The following THSD7A variants were observed in gnomAD, a reference collection of about 807,000 sequenced individuals.
THSD7A encodes thrombospondin type 1 domain containing 7A.
A neutral mutation model predicts 231.3 loss-of-function variants in THSD7A; 96 were observed. The ratio of observed to expected loss-of-function variants is 0.41; its 90% CI spans 0.35 to 0.49. THSD7A has a LOEUF of 0.49. Among genes scored for constraint, THSD7A ranks in the 20% least tolerant of loss-of-function variants. The pLI is 0.05. For synonymous variants in THSD7A, 940 were observed against 743.3 expected, an observed-to-expected ratio of 1.26 and a Z score of -4.30; for missense variants, 2,290 against 2,070.2, an observed-to-expected ratio of 1.11 and a Z score of -2.06.
chr7:11,774,621 A>T (rs1310946616), intron 1 of THSD7A, among the ~76,000 whole-genome samples: 1 of 152,152 alleles, frequency 6.6e-6, no homozygotes, highest in Non-Finnish European at 1.5e-5. Flanking sequence ...CTATGTTCAA[A>T]CTATCAATTT....
chr7:11,459,685 T>C (rs1415113130), intron 11 of THSD7A, among the ~76,000 whole-genome samples: 1 of 143,324 alleles, frequency 7.0e-6, no homozygotes, highest in Non-Finnish European at 1.5e-5. Flanking sequence ...TTTTTTTTTT[T>C]TTTTTTTTTT....
At chr7:11,617,995 A>T (rs967832370) in intron 2 of THSD7A, among the ~76,000 whole-genome samples, 2 of 152,254 alleles carry the variant, frequency 1.3e-5, no homozygotes, top group Non-Finnish European at 2.9e-5. Context: ...ACAATAAAAA[A>T]AAGAAAATGT....
In THSD7A at chr7:11,814,623, A is replaced by G. The variant is rs1784625130; in HGVS notation, c.190+17134T>C. On this transcript the variant is annotated intron_variant, in intron 1 of 27. Transcript: ENST00000423059. The surrounding 1 kb of genome is among the most constrained non-coding windows in gnomAD (Gnocchi z 5.1). ...TTTATTCTCTTCTTGTGGAACTTGCACAGCTGAAGCAGTTCAAAACCAGTT... is the reference window on the plus strand; with the variant it reads ...TTTATTCTCTTCTTGTGGAACTTGCGCAGCTGAAGCAGTTCAAAACCAGTT... Among the ~76,000 whole-genome samples the G allele has an allele frequency of 1.3e-5, 2 of 152,164 alleles. No homozygotes were observed. Among genetic ancestry groups the G allele is most frequent in the South Asian group, 4.1e-4 (2 of 4,836 alleles).
chr7:11,507,423 T>C (rs535992109), intron 6 of THSD7A, among the ~76,000 whole-genome samples: 3 of 152,300 alleles, frequency 2.0e-5, no homozygotes, highest in South Asian at 4.1e-4. Context: ...GGGAAATTTG[T>C]ATGCCCGAAT....
intron 1 of THSD7A, among the ~76,000 whole-genome samples, chr7:11,748,246 A>G (rs1337728988): frequency 2.0e-5 from 3 of 151,962 alleles, no homozygotes; most frequent in African/African-American, 7.2e-5. Flanking sequence ...AGTTACTGAC[A>G]TGATTAAATT....
At chr7:11,433,994 T>C (rs2128291261) in intron 13 of THSD7A, among the ~76,000 whole-genome samples, 1 of 152,152 alleles carries the variant, frequency 6.6e-6, no homozygotes, top group African/African-American at 2.4e-5. Context: ...AGCATATCAA[T>C]TTTATTTTCC....
intron 6 of THSD7A, among the ~76,000 whole-genome samples, chr7:11,535,267 GT>G (rs896208156): frequency 2.6e-5 from 4 of 151,920 alleles, no homozygotes; most frequent in African/African-American, 7.3e-5. Context: ...AACTCTGACG[GT>G]TTTTTCTAAA....
chr7:11,825,805 G>A (rs1300072336), intron 1 of THSD7A, among the ~76,000 whole-genome samples: 2 of 152,082 alleles, frequency 1.3e-5, no homozygotes, highest in Admixed American at 6.6e-5. Context: ...TAACGCTGAC[G>A]CTCATGCTCT....
Position 11,559,641 on chromosome 7 carries a change from T to C in THSD7A, c.1454-16524A>G, listed in dbSNP as rs1789996997. Among the ~76,000 whole-genome samples the C allele has an allele frequency of 4.0e-5, 6 of 151,376 alleles. No individual in the cohort carries two copies. In the South Asian group the frequency reaches 1.2e-3, roughly 31 times the overall value. On this transcript the variant is annotated intron_variant, in intron 4 of 27. Transcript: ENST00000423059. ...TTTAAGAAAGGCAAGAAAGGAGAAG[T>C]GAAGAAAGTAGAAGAAAGAGAATAA...
intron 1 of THSD7A, among the ~76,000 whole-genome samples, chr7:11,828,826 T>C (rs191870554): frequency 6.6e-6 from 1 of 152,278 alleles, no homozygotes; most frequent in East Asian, 1.9e-4. Context: ...CAGTTGGCTC[T>C]TGAACAACAT....
chr7:11,743,697 T>C (rs943022546), intron 1 of THSD7A, among the ~76,000 whole-genome samples: 15 of 97,188 alleles, frequency 1.5e-4, no homozygotes, highest in Non-Finnish European at 9.3e-5. Context: ...GACAATACTC[T>C]AAGTTGTGTT....
intron 2 of THSD7A, among the ~76,000 whole-genome samples, chr7:11,626,612 C>G (rs1317112579): frequency 6.6e-6 from 1 of 152,050 alleles, no homozygotes; most frequent in Non-Finnish European, 1.5e-5. Flanking sequence ...AATTTGCCAT[C>G]ACTGACACCA....
At chr7:11,806,543 A>G (rs994688972) in intron 1 of THSD7A, among the ~76,000 whole-genome samples, 4 of 152,158 alleles carry the variant, frequency 2.6e-5, no homozygotes, top group African/African-American at 9.7e-5. Context: ...TATTTCAGGC[A>G]ATGCTGCAGG....
In THSD7A at chr7:11,521,534, A is replaced by C. The variant is rs1173090793; in HGVS notation, c.1822+19885T>G. Among the ~76,000 whole-genome samples the C allele has an allele frequency of 2.8e-4, 39 of 141,756 alleles. 2 individuals carry two copies. Among genetic ancestry groups the C allele is most frequent in the Non-Finnish European group, 4.9e-4 (32 of 65,928 alleles). 93.0% of individuals were successfully genotyped at this position (141,756 alleles called of 152,430 possible). A position where few individuals can be genotyped will look rare whatever the true frequency, so the allele number is the denominator to read the frequency against. On this transcript the variant is annotated intron_variant, in intron 6 of 27. Coordinates refer to ENST00000423059, the MANE Select transcript of THSD7A (RefSeq NM_015204.3). Reference sequence around the variant, plus strand: ...ACTCTAAGTTTTAGGGTACATGTGCACATTGTGCAGGTTAGTTACATATGT... The same window carrying C: ...ACTCTAAGTTTTAGGGTACATGTGCCCATTGTGCAGGTTAGTTACATATGT...
At chr7:11,504,627 A>G (rs959304344) in intron 6 of THSD7A, among the ~76,000 whole-genome samples, 8 of 152,160 alleles carry the variant, frequency 5.3e-5, no homozygotes, top group African/African-American at 1.9e-4. Flanking sequence ...GTGGCAGGTA[A>G]GATAATAATC....
At chr7:11,421,729 C>T (rs893070311) in intron 16 of THSD7A, among the ~76,000 whole-genome samples, 4 of 152,024 alleles carry the variant, frequency 2.6e-5, no homozygotes, top group African/African-American at 9.7e-5. Flanking sequence ...CCTATTTGTA[C>T]CATTTTAAAA....
chr7:11,796,364 A>G (rs773785564), intron 1 of THSD7A, among the ~76,000 whole-genome samples: 1 of 151,666 alleles, frequency 6.6e-6, no homozygotes, highest in Non-Finnish European at 1.5e-5. Context: ...GGATACTGGC[A>G]TTTCTTTTGT....
intron 1 of THSD7A, among the ~76,000 whole-genome samples, chr7:11,694,171 G>C (rs535732645): frequency 6.6e-6 from 1 of 151,514 alleles, no homozygotes; most frequent in South Asian, 2.1e-4. Flanking sequence ...TATCTTCTAA[G>C]CTTGACTCCA....
intron 6 of THSD7A, among the ~76,000 whole-genome samples, chr7:11,511,849 A>G (rs945735035): frequency 5.3e-5 from 8 of 152,244 alleles, no homozygotes; most frequent in African/African-American, 1.9e-4. Flanking sequence ...AAACCTAGGC[A>G]ATACCATTCA....
Sources: gnomAD v4.1 joint callset for allele counts (sites outside exome capture counted in the v4.1 genomes callset) on GRCh38, gnomAD v4.1.1 for gene constraint, Gnocchi (gnomAD v3.1) non-coding constraint, MANE v1.5 for transcripts, NCBI Gene and HGNC (gene_info 2026-07-23, HGNC 2026-07-21) for gene names.